Variants in THRSP observed in about 807,000 individuals in gnomAD.
THRSP encodes the protein thyroid hormone responsive.
Under a neutral mutation model 11.1 loss-of-function variants are expected in THRSP, and 9 were observed. The observed-to-expected ratio is 0.81, with a 90% CI of 0.49 to 1.42. The LOEUF is 1.42. THRSP is among the 40% of genes most tolerant of loss of function. The pLI is 0.00. For synonymous variants in THRSP, 73 were observed against 78.1 expected, an observed-to-expected ratio of 0.94 and a Z score of 0.34; for missense variants, 177 against 188.2, an observed-to-expected ratio of 0.94 and a Z score of 0.35.
chr11:78,064,602 A>C (rs1336747247), intron 1 of THRSP, among the ~76,000 whole-genome samples: 1 of 152,204 alleles, frequency 6.6e-6, no homozygotes, highest in East Asian at 1.9e-4. Context: ...TCTCATATGC[A>C]CATATATGTG....
At chr11:78,067,448 A>G (rs1295456971) in intron 1 of THRSP, among the ~76,000 whole-genome samples, 2 of 152,232 alleles carry the variant, frequency 1.3e-5, no homozygotes, top group Non-Finnish European at 2.9e-5. Flanking sequence ...ACCTTTCTGT[A>G]TCTGTTTCCC....
At chr11:78,066,594 A>G (rs621586) in intron 1 of THRSP, among the ~76,000 whole-genome samples, 110,641 of 152,086 alleles carry the variant, frequency 0.73, 40,988 homozygotes, top group African/African-American at 0.86. Context: ...CTACAGTGGT[A>G]TTCCTTAGAG....
rs749137350 is a variant in THRSP, at chr11:78,063,927, G to C, written c.46G>C (p.Val16Leu). 6.2e-7 allele frequency: 1 copy of C among 1,606,602 alleles called. No homozygotes were observed. Among genetic ancestry groups the C allele is most frequent in the South Asian group, 1.1e-5 (1 of 90,044 alleles). The change falls in exon 1 of 2, where the codon GTC becomes CTC. Residue 16 changes from valine (V) to leucine (L), a missense_variant. Physicochemically the swap from Val to Leu is conservative, Grantham distance 32. Coordinates refer to ENST00000281030, the MANE Select transcript of THRSP (RefSeq NM_003251.4). The part of the protein sequence containing the change: ...KRYPKNCLLT[V>L]MDRYAAEVHN... ...TTACCCCAAGAACTGCCTGCTGACC[G>C]TCATGGACCGGTATGCAGCCGAGGT... is the stretch of plus-strand genomic sequence containing the variant.
rs1858659665 is a variant in THRSP at position 78,064,107 on chromosome 11, C to T, written c.226C>T (p.Pro76Ser). 1.2e-6 allele frequency: 2 copies of T among 1,614,102 alleles called. No individual in the cohort carries two copies. The highest frequency in any genetic ancestry group is 4.5e-5 in the East Asian group (2 of 44,866). ...ICVDVDHGLL[P>S]REEWQAKVAG... The stretch of plus-strand genomic sequence containing the variant: ...TGTGGATGTGGACCATGGGCTGCTG[C>T]CGCGGGAGGAGTGGCAGGCCAAGGT... The change falls in exon 1 of 2, where the codon CCG (proline) becomes TCG (serine). Residue 76 changes from proline (P) to serine (S), a missense_variant. Coordinates refer to ENST00000281030, the MANE Select transcript of THRSP (RefSeq NM_003251.4).
chr11:78,066,972 C>A, intron 1 of THRSP, among the ~76,000 whole-genome samples: 1 of 151,824 alleles, frequency 6.6e-6, no homozygotes, highest in Non-Finnish European at 1.5e-5. Flanking sequence ...ACTACAGGTG[C>A]ACGCCACTAC....
rs1308694679 is a variant in THRSP, at chr11:78,064,117, AGTGGCAGGCCAAG to A, written c.246_258del (p.Lys83AlafsTer48). On this transcript the variant is annotated frameshift_variant, in exon 1 of 2. Coordinates refer to ENST00000281030, the MANE Select transcript of THRSP (RefSeq NM_003251.4). LOFTEE classifies it high-confidence loss of function. ...GACCATGGGCTGCTGCCGCGGGAGG[AGTGGCAGGCCAAG>A]GTGGCAGGCAGCGAAGAGAATGGAA... 6.2e-7 allele frequency: 1 copy of A among 1,613,966 alleles called. No individual in the cohort carries two copies. Among genetic ancestry groups the A allele is most frequent in the East Asian group, 2.2e-5 (1 of 44,860 alleles).
intron 1 of THRSP, among the ~76,000 whole-genome samples, chr11:78,064,659 T>G (rs1234861288): frequency 6.6e-6 from 1 of 152,012 alleles, no homozygotes; most frequent in Non-Finnish European, 1.5e-5. Flanking sequence ...TGTAAATGTG[T>G]GAATTGAATG....
chr11:78,066,148 C>T (rs1858732312), intron 1 of THRSP, among the ~76,000 whole-genome samples: 2 of 152,206 alleles, frequency 1.3e-5, no homozygotes, highest in Admixed American at 6.5e-5. Flanking sequence ...TATCCATTAT[C>T]TAATGGAATT....
At chr11:78,065,865 A>T (rs606732) in intron 1 of THRSP, among the ~76,000 whole-genome samples, 6 of 151,990 alleles carry the variant, frequency 3.9e-5, no homozygotes, top group African/African-American at 7.3e-5. Flanking sequence ...TTTCTCAGCC[A>T]TTTTTCCTTC....
chr11:78,067,385 G>A lies in THRSP; in HGVS notation c.*20-274G>A, dbSNP rs188084968. ...GATCCACCCACCTTGGCCTCCCAAA[G>A]TGCTGGGATTACAGGCGTGAGCCAC... On this transcript the variant is annotated intron_variant, in intron 1 of 1. Transcript: ENST00000281030. Among the ~76,000 whole-genome samples, 727 of 152,244 alleles carry A rather than the reference G, an allele frequency of 4.8e-3. 4 individuals carry two copies. Among genetic ancestry groups the A allele is most frequent in the African/African-American group, 0.017 (696 of 41,564 alleles).
At chr11:78,065,711 T>C (rs1427790591) in intron 1 of THRSP, among the ~76,000 whole-genome samples, 1 of 152,198 alleles carries the variant, frequency 6.6e-6, no homozygotes, top group Non-Finnish European at 1.5e-5. Context: ...GGCCTCAACT[T>C]TGAGCTGAGT....
At position 78,063,904 on chromosome 11, in the gene THRSP, A is replaced by T. The variant is rs761475889; in HGVS notation, c.23A>T (p.Tyr8Phe). Residue 8 changes from tyrosine (Y) to phenylalanine (F), a missense_variant, in exon 1 of 2, where the codon TAC (tyrosine) becomes TTC (phenylalanine). Tyr to Phe is a conservative substitution (Grantham distance 22). Coordinates refer to ENST00000281030, the MANE Select transcript of THRSP (RefSeq NM_003251.4). The part of the protein sequence containing the change: MQVLTKR[Y>F]PKNCLLTVMD... ...ACCATGCAGGTGCTAACCAAGCGTT[A>T]CCCCAAGAACTGCCTGCTGACCGTC... The T allele has an allele frequency of 1.3e-6, 2 of 1,583,842 alleles. No individual in the cohort carries two copies. Among genetic ancestry groups the T allele is most frequent in the Non-Finnish European group, 1.7e-6 (2 of 1,165,624 alleles).
At chr11:78,067,231 C>T (rs1351696746) in intron 1 of THRSP, among the ~76,000 whole-genome samples, 1 of 151,650 alleles carries the variant, frequency 6.6e-6, no homozygotes, top group African/African-American at 2.4e-5. Flanking sequence ...AAGCAAGTCT[C>T]CTGCCTCAGC....
Position 78,064,038 on chromosome 11 carries a change from G to A in THRSP, c.157G>A (p.Ala53Thr). The A allele has an allele frequency of 6.2e-7, 1 of 1,613,638 alleles. No homozygotes were observed. The highest frequency in any genetic ancestry group is 8.5e-7 in the Non-Finnish European group (1 of 1,179,886). ...SGPGGQAQAE[A>T]PDLYTYFTML... The stretch of plus-strand genomic sequence containing the variant: ...GCCTGGGGGCCAGGCCCAGGCTGAG[G>A]CCCCTGATCTCTACACCTACTTCAC... The change falls in exon 1 of 2, where the codon GCC (alanine) becomes ACC (threonine). Residue 53 changes from alanine to threonine, a missense_variant. Ala to Thr is a moderately conservative substitution (Grantham distance 58, BLOSUM62 0). Transcript: ENST00000281030.
In THRSP at chr11:78,067,779, G is replaced by C. The variant is rs1372742042; in HGVS notation, c.*140G>C. The C allele has an allele frequency of 6.6e-6, 1 of 152,256 alleles. No individual in the cohort carries two copies. Among genetic ancestry groups the C allele is most frequent in the Non-Finnish European group, 1.5e-5 (1 of 68,092 alleles). 9.4% of individuals were successfully genotyped at this position (152,256 alleles called of 1,614,324 possible). A position where few individuals can be genotyped will look rare whatever the true frequency, so the allele number is the denominator to read the frequency against. On this transcript the variant is annotated 3_prime_UTR_variant, in exon 2 of 2. Coordinates refer to ENST00000281030, the MANE Select transcript of THRSP (RefSeq NM_003251.4). ...GAAGTGAAGGCGGCTCAGTTCTCCG[G>C]GATGCTTCTCTACCTCCTGAGCACC...
chr11:78,067,684 C>A lies in THRSP; in HGVS notation c.*45C>A, dbSNP rs113560399. ...ATCCCTTCACATGATAGAAGACAGA[C>A]TCTTTGATGAGGTCGGCGGAGCAGT... On this transcript the variant is annotated 3_prime_UTR_variant, in exon 2 of 2. Coordinates refer to ENST00000281030, the MANE Select transcript of THRSP (RefSeq NM_003251.4). 6.6e-6 allele frequency: 1 copy of A among 152,128 alleles called. No individual in the cohort carries two copies. Among genetic ancestry groups the A allele is most frequent in the Non-Finnish European group, 1.5e-5 (1 of 68,036 alleles). The allele number at this position is 152,128 out of a possible 1,614,324, so 9.4% of individuals were successfully genotyped here.
intron 1 of THRSP, among the ~76,000 whole-genome samples, chr11:78,065,046 A>G (rs755097132): frequency 2.6e-5 from 4 of 152,074 alleles, no homozygotes; most frequent in Non-Finnish European, 5.9e-5. Context: ...AACATTGTGA[A>G]TTCCATTTGT....
intron 1 of THRSP, among the ~76,000 whole-genome samples, chr11:78,066,919 C>T (rs372476474): frequency 1.3e-5 from 2 of 151,520 alleles, no homozygotes; most frequent in African/African-American, 4.9e-5. Flanking sequence ...CTCCACCTCC[C>T]GATTCAAGCA....
chr11:78,066,284 T>C (rs619847), intron 1 of THRSP, among the ~76,000 whole-genome samples: 110,296 of 151,730 alleles, frequency 0.73, 40,820 homozygotes, highest in African/African-American at 0.86. Flanking sequence ...TTTCCTCAGC[T>C]TCCAAAGTAG....
Sources: gnomAD v4.1 joint callset for allele counts (sites outside exome capture counted in the v4.1 genomes callset) on GRCh38, gnomAD v4.1.1 for gene constraint, MANE v1.5 for transcripts, NCBI Gene and HGNC (gene_info 2026-07-23, HGNC 2026-07-21) for gene names.